GNG12: variants seen among roughly 807,000 people sequenced by gnomAD.
GNG12 encodes guanine nucleotide-binding protein G(I)/G(S)/G(O) subunit gamma-12.
For synonymous variants in GNG12, 28 were observed against 29.7 expected, an observed-to-expected ratio of 0.94 and a Z score of 0.19; for missense variants, 69 against 83.8, an observed-to-expected ratio of 0.82 and a Z score of 0.69.
At chr1:67,794,536 G>C (rs758753661) in intron 1 of GNG12, among the ~76,000 whole-genome samples, 11 of 152,146 alleles carry the variant, frequency 7.2e-5, no homozygotes, top group Non-Finnish European at 1.3e-4. Flanking sequence ...TCACAGAGAT[G>C]AAAAGAGCAT....
rs146107858 is a variant in GNG12, at chr1:67,770,295, C to T, written c.-27+7163G>A. The stretch of plus-strand genomic sequence containing the variant: ...TCCAAGGTGGGTGGAATGGAGAGGG[C>T]TCAGCCTTTCTTCTCCAGCCCAGAG... On this transcript the variant is annotated intron_variant, in intron 2 of 3. Coordinates refer to ENST00000370982, the MANE Select transcript of GNG12 (RefSeq NM_018841.6). Among the ~76,000 whole-genome samples the T allele has an allele frequency of 9.2e-5, 14 of 152,278 alleles. No individual in the cohort carries two copies. The East Asian group carries it at 2.7e-3, about 29-fold the overall frequency.
At chr1:67,716,044 GA>G (rs1646323612) in intron 2 of GNG12, among the ~76,000 whole-genome samples, 1 of 152,148 alleles carries the variant, frequency 6.6e-6, no homozygotes, top group Non-Finnish European at 1.5e-5. Context: ...GCATAGTTAT[GA>G]GAGCAAAGAG....
chr1:67,742,589 G>T (rs1341947386), intron 2 of GNG12, among the ~76,000 whole-genome samples: 1 of 151,942 alleles, frequency 6.6e-6, no homozygotes, highest in Non-Finnish European at 1.5e-5. Flanking sequence ...GACAGGTAGG[G>T]TCCAAAGAAG....
At chr1:67,730,237 C>T (rs1271522723) in intron 2 of GNG12, among the ~76,000 whole-genome samples, 2 of 152,198 alleles carry the variant, frequency 1.3e-5, no homozygotes, top group South Asian at 2.1e-4. Context: ...TGGTGACTTA[C>T]GCCTGTAATC....
chr1:67,818,978 T>C (rs1396848029), intron 1 of GNG12, among the ~76,000 whole-genome samples: 1 of 152,162 alleles, frequency 6.6e-6, no homozygotes, highest in Non-Finnish European at 1.5e-5. Context: ...GGGGAACTCA[T>C]AGACAATTTT....
chr1:67,774,470 A>C (rs988680623), intron 2 of GNG12, among the ~76,000 whole-genome samples: 5 of 152,234 alleles, frequency 3.3e-5, no homozygotes, highest in Non-Finnish European at 5.9e-5. Flanking sequence ...TGAGTGGAGG[A>C]AAGTTTTACA....
intron 1 of GNG12, among the ~76,000 whole-genome samples, chr1:67,786,935 A>ATGTGTGTGTGTGTGTG (rs60096043): frequency 1.5e-5 from 2 of 133,408 alleles, no homozygotes; most frequent in Non-Finnish European, 1.6e-5. Flanking sequence ...TTATATATAT[A>ATGTGTGTGTGTGTGTG]TGTGTGTGTG....
intron 1 of GNG12, among the ~76,000 whole-genome samples, chr1:67,831,193 C>T (rs1467435163): frequency 1.3e-5 from 2 of 152,102 alleles, no homozygotes; most frequent in Non-Finnish European, 2.9e-5. Flanking sequence ...ACATAAAACT[C>T]CAAAACAAAG....
chr1:67,715,211 C>A (rs1646318817), intron 2 of GNG12, among the ~76,000 whole-genome samples: 3 of 152,214 alleles, frequency 2.0e-5, no homozygotes. Flanking sequence ...GCCACTGTGC[C>A]TGGCCTCGAC....
intron 2 of GNG12, among the ~76,000 whole-genome samples, chr1:67,713,754 TA>T (rs758644728): frequency 3.3e-5 from 5 of 152,236 alleles, no homozygotes; most frequent in Non-Finnish European, 2.9e-5. Flanking sequence ...TCTTCTTCTG[TA>T]AAAGAGGGAC....
intron 2 of GNG12, among the ~76,000 whole-genome samples, chr1:67,736,550 A>G (rs998930379): frequency 2.0e-5 from 3 of 152,152 alleles, no homozygotes; most frequent in African/African-American, 4.8e-5. Context: ...ATGCGTGAGT[A>G]ATGGAGTCAC....
intron 2 of GNG12, among the ~76,000 whole-genome samples, chr1:67,737,356 T>C (rs917764695): frequency 4.6e-5 from 7 of 152,230 alleles, no homozygotes; most frequent in East Asian, 1.9e-4. Context: ...ATAAATGATT[T>C]CTGTTCTAAG....
At position 67,833,399 on chromosome 1, in the gene GNG12, C is replaced by G. The variant is rs531404646; in HGVS notation, c.-132G>C. On this transcript the variant is annotated 5_prime_UTR_variant, in exon 1 of 4. Transcript: ENST00000370982. ...CGCCGGGACTCGGTCTCTAAGGGCT[C>G]CTGGAGACGGCTCCGACCTCTCCTC... 5.7e-4 allele frequency: 561 copies of G among 985,522 alleles called. 1 individual carries two copies. The South Asian group carries it at 0.01, about 18-fold the overall frequency. The allele number at this position is 985,522 out of a possible 1,614,324, so 61.0% of individuals were successfully genotyped here.
chr1:67,796,943 C>T (rs1646834651), intron 1 of GNG12, among the ~76,000 whole-genome samples: 1 of 152,166 alleles, frequency 6.6e-6, no homozygotes. Context: ...GTGAGCCAGA[C>T]AGCAAGAGAG....
chr1:67,773,941 C>T (rs1415591727), intron 2 of GNG12, among the ~76,000 whole-genome samples: 2 of 152,102 alleles, frequency 1.3e-5, no homozygotes, highest in Non-Finnish European at 2.9e-5. Flanking sequence ...TAAGCAAGAC[C>T]AACAGAGAAA....
At position 67,787,831 on chromosome 1, in the gene GNG12, T is replaced by C. The variant is rs117543300; in HGVS notation, c.-76-10324A>G. Among the ~76,000 whole-genome samples the C allele has an allele frequency of 5.9e-4, 90 of 152,340 alleles. 4 individuals are homozygous for C. In the East Asian group the frequency reaches 0.016, roughly 27 times the overall value. On this transcript the variant is annotated intron_variant, in intron 1 of 3. Transcript: ENST00000370982. ...GACAGTATTTATCAATATTCCTTTCTATTGATTGATCCAGCTTCTGACTAG... is the reference window on the plus strand; with the variant it reads ...GACAGTATTTATCAATATTCCTTTCCATTGATTGATCCAGCTTCTGACTAG...
At chr1:67,779,666 T>C (rs1646726024) in intron 1 of GNG12, among the ~76,000 whole-genome samples, 1 of 152,182 alleles carries the variant, frequency 6.6e-6, no homozygotes, top group Admixed American at 6.5e-5. Context: ...CAACAACTTC[T>C]CTGCAGTAGC....
intron 1 of GNG12, among the ~76,000 whole-genome samples, chr1:67,812,346 C>T (rs2100810705): frequency 6.6e-6 from 1 of 152,298 alleles, no homozygotes; most frequent in South Asian, 2.1e-4. Context: ...CTCTCCTAAT[C>T]TGAGAGAGGG....
At chr1:67,721,843 T>G (rs1434792412) in intron 2 of GNG12, among the ~76,000 whole-genome samples, 2 of 152,150 alleles carry the variant, frequency 1.3e-5, no homozygotes, top group African/African-American at 4.8e-5. Context: ...CGTGACCAAC[T>G]GGGATTCCTT....
Sources: gnomAD v4.1 joint callset for allele counts (sites outside exome capture counted in the v4.1 genomes callset) on GRCh38, gnomAD v4.1.1 for gene constraint, MANE v1.5 for transcripts, NCBI Gene and HGNC (gene_info 2026-07-23, HGNC 2026-07-21) for gene names.